Variants in CAMK1D observed in about 807,000 individuals in gnomAD.
The protein encoded by CAMK1D is calcium/calmodulin dependent protein kinase ID.
A neutral mutation model predicts 47.7 loss-of-function variants in CAMK1D; 9 were observed. That is an observed-to-expected ratio of 0.19 (90% confidence interval 0.11 to 0.33). The LOEUF is 0.33. CAMK1D is among the 10% of genes least tolerant of loss of function. CAMK1D has a pLI of 1.00. For synonymous variants in CAMK1D, 184 were observed against 184.9 expected (o/e 0.99, Z 0.04); for missense variants, 291 against 488.7 (o/e 0.60, Z 3.81).
Position 12,816,754 on chromosome 10 carries a change from C to T in CAMK1D, c.833+426C>T, listed in dbSNP as rs1832811616. ...GGGCATGGTGGCGCGCGCCTGTAAT[C>T]CCAGCTACTCGCAAGGCTGAGTCAG... On this transcript the variant is annotated intron_variant, in intron 8 of 10. Transcript: ENST00000619168. Among the ~76,000 whole-genome samples the T allele has an allele frequency of 4.0e-5, 6 of 151,820 alleles. No homozygotes were observed. In the South Asian group the frequency reaches 1.3e-3, roughly 32 times the overall value.
chr10:12,737,362 G>A (rs2130833459), intron 3 of CAMK1D, among the ~76,000 whole-genome samples: 1 of 152,268 alleles, frequency 6.6e-6, no homozygotes, highest in South Asian at 2.1e-4. Context: ...AATTGAACAT[G>A]GGATATTTCT....
At chr10:12,437,044 A>C (rs183976955) in intron 1 of CAMK1D, among the ~76,000 whole-genome samples, 1 of 152,244 alleles carries the variant, frequency 6.6e-6, no homozygotes, top group African/African-American at 2.4e-5. Context: ...GCTTAGTTCA[A>C]TCAGCAAGGA....
At chr10:12,613,703 C>A (rs1158842558) in intron 2 of CAMK1D, among the ~76,000 whole-genome samples, 1 of 152,198 alleles carries the variant, frequency 6.6e-6, no homozygotes, top group Non-Finnish European at 1.5e-5. Context: ...TGGTCTCGCA[C>A]TCCTGACCTC....
chr10:12,663,113 G>A (rs540512975), intron 2 of CAMK1D, among the ~76,000 whole-genome samples: 2 of 151,632 alleles, frequency 1.3e-5, no homozygotes, highest in African/African-American at 2.4e-5. Flanking sequence ...GGCACATGCC[G>A]CCACGCCCAG....
At chr10:12,380,190 G>T (rs1297368546) in intron 1 of CAMK1D, among the ~76,000 whole-genome samples, 1 of 152,104 alleles carries the variant, frequency 6.6e-6, no homozygotes, top group Non-Finnish European at 1.5e-5. Flanking sequence ...ACTCCAGCCT[G>T]GGTGACAGAG....
At chr10:12,599,447 C>T (rs1838239056) in intron 2 of CAMK1D, among the ~76,000 whole-genome samples, 1 of 152,134 alleles carries the variant, frequency 6.6e-6, no homozygotes, top group African/African-American at 2.4e-5. Context: ...TCATCGTGCC[C>T]ACCTGGCATC....
At chr10:12,503,851 A>G (rs913283692) in intron 1 of CAMK1D, among the ~76,000 whole-genome samples, 2 of 152,150 alleles carry the variant, frequency 1.3e-5, no homozygotes, top group African/African-American at 4.8e-5. Flanking sequence ...TGTTAAAGTT[A>G]CAGTGTTAAA....
chr10:12,764,732 G>A (rs763231919), intron 4 of CAMK1D, among the ~76,000 whole-genome samples: 7 of 152,104 alleles, frequency 4.6e-5, no homozygotes, highest in Non-Finnish European at 8.8e-5. Context: ...TTTATGATTC[G>A]AGCATTCCCG....
intron 1 of CAMK1D, among the ~76,000 whole-genome samples, chr10:12,388,419 A>G (rs1032919310): frequency 6.6e-5 from 10 of 152,196 alleles, no homozygotes; most frequent in African/African-American, 2.4e-4. Flanking sequence ...TCCAGCTTCT[A>G]GATTCTCTGT....
At chr10:12,690,953 A>G (rs922212293) in intron 3 of CAMK1D, among the ~76,000 whole-genome samples, 1 of 152,100 alleles carries the variant, frequency 6.6e-6, no homozygotes, top group Non-Finnish European at 1.5e-5. Context: ...GTTGTTTTTC[A>G]TCTGTCATTT....
At chr10:12,373,223 G>T (rs1838054331) in intron 1 of CAMK1D, among the ~76,000 whole-genome samples, 1 of 151,914 alleles carries the variant, frequency 6.6e-6, no homozygotes, top group South Asian at 2.1e-4. Flanking sequence ...TGAGGTGGGA[G>T]GATCACCTGA....
chr10:12,605,336 A>G (rs942115281), intron 2 of CAMK1D, among the ~76,000 whole-genome samples: 1 of 38,786 alleles, frequency 2.6e-5, no homozygotes, highest in South Asian at 1.3e-3. Context: ...GAAACCATTC[A>G]AGTGTGTGTG....
At chr10:12,406,056 T>C (rs1839412889) in intron 1 of CAMK1D, among the ~76,000 whole-genome samples, 1 of 152,150 alleles carries the variant, frequency 6.6e-6, no homozygotes, top group Non-Finnish European at 1.5e-5. Context: ...TAGGATTGAA[T>C]GGGTGCATCA....
At chr10:12,783,764 T>G (rs907339024) in intron 5 of CAMK1D, among the ~76,000 whole-genome samples, 3 of 152,344 alleles carry the variant, frequency 2.0e-5, no homozygotes, top group East Asian at 1.9e-4. Flanking sequence ...CTCGAGTCTT[T>G]CCGTTCGCCA....
chr10:12,789,627 G>GTAGAC (rs1279080288), intron 5 of CAMK1D, among the ~76,000 whole-genome samples: 9 of 152,234 alleles, frequency 5.9e-5, no homozygotes, highest in African/African-American at 1.9e-4. Flanking sequence ...GGAAGTTCGT[G>GTAGAC]TAGACGCCAC....
At chr10:12,794,962 G>A (rs1838132805) in intron 6 of CAMK1D, among the ~76,000 whole-genome samples, 1 of 152,166 alleles carries the variant, frequency 6.6e-6, no homozygotes, top group East Asian at 1.9e-4. Context: ...GAGGCATCGA[G>A]TCTGTATCAT....
chr10:12,825,505 G>C (rs952356364), intron 9 of CAMK1D, 68 bp from the exon 10 acceptor site: 1 of 1,462,452 alleles, frequency 6.8e-7, no homozygotes, highest in African/African-American at 1.4e-5. Context: ...ATAAACAAGA[G>C]AACACAGTTA....
chr10:12,780,748 C>T (rs1296998043), intron 5 of CAMK1D, among the ~76,000 whole-genome samples: 13 of 152,190 alleles, frequency 8.5e-5, no homozygotes, highest in East Asian at 3.8e-4. Context: ...TCATCCTCTC[C>T]GACTGTTAGT....
intron 1 of CAMK1D, among the ~76,000 whole-genome samples, chr10:12,505,174 C>G (rs1321950338): frequency 2.0e-5 from 3 of 152,140 alleles, no homozygotes; most frequent in African/African-American, 4.8e-5. Context: ...TGTGAGCAGT[C>G]TAAGAGAAAA....
Sources: gnomAD v4.1 joint callset for allele counts (sites outside exome capture counted in the v4.1 genomes callset) on GRCh38, gnomAD v4.1.1 for gene constraint, MANE v1.5 for transcripts, NCBI Gene and HGNC (gene_info 2026-07-23, HGNC 2026-07-21) for gene names.